Variants in SH3D19 observed in about 807,000 individuals in gnomAD.
SH3D19 encodes SH3 domain containing 19, also known as SH3 domain-containing protein 19.
In SH3D19, 58 loss-of-function variants were observed where a neutral mutation model predicts 112.1. That is an observed-to-expected ratio of 0.52 (90% CI 0.42 to 0.64). SH3D19 has a LOEUF of 0.64. Ranked by LOEUF, SH3D19 falls within the 30% of genes least tolerant of loss-of-function variation. The probability of loss-of-function intolerance (pLI) is 0.00; values close to 1 mark genes in which losing one functional copy is unlikely to be tolerated. For missense variants in SH3D19, 1,090 were observed against 1,263.4 expected, an observed-to-expected ratio of 0.86 and a Z score of 2.08; for synonymous variants, 391 against 448.5, an observed-to-expected ratio of 0.87 and a Z score of 1.62.
At chr4:151,282,087 T>C (rs998459055) in intron 1 of SH3D19, 10 of 1,568,130 alleles carry the variant, frequency 6.4e-6, no homozygotes, top group African/African-American at 1.4e-5. Context: ...GTGCTACATA[T>C]AGGCAGCCTG....
intron 8 of SH3D19, among the ~76,000 whole-genome samples, chr4:151,163,570 TTTTC>T (rs963671578): frequency 2.4e-4 from 36 of 147,548 alleles, no homozygotes; most frequent in African/African-American, 7.8e-4. Context: ...ACTGCCAGTT[TTTTC>T]TTTCTTTCTT....
At chr4:151,184,319 G>A (rs1290287290) in intron 3 of SH3D19, among the ~76,000 whole-genome samples, 1 of 152,102 alleles carries the variant, frequency 6.6e-6, no homozygotes, top group East Asian at 1.9e-4. Context: ...TAATGGGCTG[G>A]CTAAGATAAA....
In SH3D19 at chr4:151,121,373, A is replaced by C. The variant is rs1331094101; in HGVS notation, c.*718T>G. 1 of 151,794 alleles carries C rather than the reference A, an allele frequency of 6.6e-6. No homozygotes were observed. The highest frequency in any genetic ancestry group is 1.5e-5 in the Non-Finnish European group (1 of 68,034). 9.4% of individuals were successfully genotyped at this position (151,794 alleles called of 1,614,324 possible). A position where few individuals can be genotyped will look rare whatever the true frequency, so the allele number is the denominator to read the frequency against. On this transcript the variant is annotated 3_prime_UTR_variant, in exon 20 of 20. Coordinates refer to ENST00000604030, the MANE Select transcript of SH3D19 (RefSeq NM_001378122.1). ...CACTGAGGAAAAAAATAAGTATGGCACATATATGGAAGGATTAGTTGTATT... is the reference window on the plus strand; with the variant it reads ...CACTGAGGAAAAAAATAAGTATGGCCCATATATGGAAGGATTAGTTGTATT...
At chr4:151,260,699 C>T (rs900368542) in intron 1 of SH3D19, among the ~76,000 whole-genome samples, 1 of 152,188 alleles carries the variant, frequency 6.6e-6, no homozygotes. Flanking sequence ...CACATTGTGG[C>T]CTACAAGCCA....
intron 1 of SH3D19, chr4:151,283,355 TG>T: frequency 1.4e-6 from 2 of 1,451,972 alleles, no homozygotes; most frequent in Non-Finnish European, 1.9e-6. Flanking sequence ...TTTTCCTATC[TG>T]TAAATAACAG....
intron 1 of SH3D19, among the ~76,000 whole-genome samples, chr4:151,287,758 T>C (rs1334282163): frequency 6.6e-6 from 1 of 152,150 alleles, no homozygotes; most frequent in African/African-American, 2.4e-5. Flanking sequence ...TAGCCACCTG[T>C]AGTCTCAGCT....
intron 1 of SH3D19, among the ~76,000 whole-genome samples, chr4:151,253,754 AAC>A (rs1249734334): frequency 1.4e-5 from 2 of 146,106 alleles, no homozygotes; most frequent in African/African-American, 2.6e-5. Context: ...AAAAAAAAAA[AAC>A]AAGAAAACAA....
intron 2 of SH3D19, among the ~76,000 whole-genome samples, chr4:151,218,756 G>C (rs919590718): frequency 2.0e-5 from 3 of 151,968 alleles, no homozygotes; most frequent in African/African-American, 7.3e-5. Context: ...TATACTTTTA[G>C]TACCTATACG....
chr4:151,183,234 C>T (rs1056160019), intron 3 of SH3D19, among the ~76,000 whole-genome samples: 4 of 152,038 alleles, frequency 2.6e-5, no homozygotes, highest in Non-Finnish European at 5.9e-5. Context: ...TCAGGTGATC[C>T]GCCCGCCTCA....
chr4:151,200,125 C>T (rs1288628158), intron 2 of SH3D19, among the ~76,000 whole-genome samples: 1 of 152,134 alleles, frequency 6.6e-6, no homozygotes, highest in Non-Finnish European at 1.5e-5. Flanking sequence ...CTTGAACTTC[C>T]CAGCCTCGAG....
chr4:151,248,803 C>A (rs1246773560), intron 1 of SH3D19, among the ~76,000 whole-genome samples: 1 of 152,128 alleles, frequency 6.6e-6, no homozygotes, highest in African/African-American at 2.4e-5. Context: ...CCTGGCACCC[C>A]CTTGTAAACA....
rs375153519 is a variant in SH3D19 at position 151,283,174 on chromosome 4, C to G, written c.112+42067G>C. 35 of 1,613,770 alleles carry G rather than the reference C, an allele frequency of 2.2e-5. No homozygotes were observed. The highest frequency in any genetic ancestry group is 3.0e-5 in the Non-Finnish European group (35 of 1,179,824). On this transcript the variant is annotated intron_variant, in intron 1 of 19. Coordinates refer to ENST00000604030, the MANE Select transcript of SH3D19 (RefSeq NM_001378122.1). ...GAAGTACCCATTATTGACCGCCAGGCTTGTGAACAGCTCTACAATCCCATC... is the reference window on the plus strand; with the variant it reads ...GAAGTACCCATTATTGACCGCCAGGGTTGTGAACAGCTCTACAATCCCATC...
chr4:151,184,045 A>T (rs1468549352), intron 3 of SH3D19, among the ~76,000 whole-genome samples: 3 of 152,178 alleles, frequency 2.0e-5, no homozygotes, highest in Non-Finnish European at 4.4e-5. Flanking sequence ...TCAGAAAATA[A>T]TTTTCTCTTA....
intron 1 of SH3D19, among the ~76,000 whole-genome samples, chr4:151,303,281 T>C (rs1447571312): frequency 6.6e-6 from 1 of 152,160 alleles, no homozygotes; most frequent in Non-Finnish European, 1.5e-5. Flanking sequence ...TTTTGAAAAA[T>C]GATCTTCAGA....
chr4:151,177,508 C>T (rs865788942), intron 4 of SH3D19, among the ~76,000 whole-genome samples: 1 of 152,162 alleles, frequency 6.6e-6, no homozygotes, highest in Non-Finnish European at 1.5e-5. Flanking sequence ...GCCACCATAC[C>T]CAGCTAATTT....
At chr4:151,203,196 G>A (rs539195028) in intron 2 of SH3D19, among the ~76,000 whole-genome samples, 12 of 152,154 alleles carry the variant, frequency 7.9e-5, no homozygotes, top group East Asian at 3.9e-4. Flanking sequence ...CCCAGCAATC[G>A]CAGCATCGGT....
At chr4:151,238,699 A>AT (rs1174742969) in intron 1 of SH3D19, among the ~76,000 whole-genome samples, 1 of 151,878 alleles carries the variant, frequency 6.6e-6, no homozygotes, top group African/African-American at 2.4e-5. Flanking sequence ...TCTAACTGAG[A>AT]TTTTTATCCA....
At chr4:151,181,834 T>C (rs1321997199) in intron 3 of SH3D19, 1 of 152,188 alleles carries the variant, frequency 6.6e-6, no homozygotes, top group Non-Finnish European at 1.5e-5. Flanking sequence ...TGTCTTGCCA[T>C]ACCACTGTTT....
chr4:151,120,887 T>A lies in SH3D19; in HGVS notation c.*1204A>T, dbSNP rs959399340. On this transcript the variant is annotated 3_prime_UTR_variant, in exon 20 of 20. Coordinates refer to ENST00000604030, the MANE Select transcript of SH3D19 (RefSeq NM_001378122.1). The stretch of plus-strand genomic sequence containing the variant: ...TTCCAATGAAATTCTATTCCATTGA[T>A]CTGTTTGGATGATTGTCTTCAACCT... 1 of 152,664 alleles carries A rather than the reference T, an allele frequency of 6.6e-6. No homozygotes were observed. Among genetic ancestry groups the A allele is most frequent in the African/African-American group, 2.4e-5 (1 of 41,464 alleles). 9.5% of individuals were successfully genotyped at this position (152,664 alleles called of 1,614,324 possible). A position where few individuals can be genotyped will look rare whatever the true frequency, so the allele number is the denominator to read the frequency against.
Sources: gnomAD v4.1 joint callset for allele counts (sites outside exome capture counted in the v4.1 genomes callset) on GRCh38, gnomAD v4.1.1 for gene constraint, MANE v1.5 for transcripts, NCBI Gene and HGNC (gene_info 2026-07-23, HGNC 2026-07-21) for gene names.